The following MYO5B variants were observed in gnomAD, a reference collection of about 807,000 sequenced individuals.
MYO5B encodes the protein myosin VB.
In MYO5B, 143 loss-of-function variants were observed where a neutral mutation model predicts 229.3. The observed-to-expected ratio is 0.62, with a 90% confidence interval of 0.54 to 0.72. The LOEUF is 0.72. MYO5B is among the 30% of genes least tolerant of loss of function. The probability of loss-of-function intolerance (pLI) is 0.00; values close to 1 mark genes in which losing one functional copy is unlikely to be tolerated. For synonymous variants in MYO5B, 918 were observed against 885.2 expected, an observed-to-expected ratio of 1.04 and a Z score of -0.66; for missense variants, 2,321 against 2,331.0, an observed-to-expected ratio of 1.00 and a Z score of 0.09.
chr18:49,878,899 G>A (rs1365337376), intron 24 of MYO5B, 46 bp downstream of exon 24: 3 of 1,611,026 alleles, frequency 1.9e-6, no homozygotes, highest in Admixed American at 1.7e-5. Context: ...AAGCTGGACA[G>A]GAGCCAGGGA....
intron 1 of MYO5B, among the ~76,000 whole-genome samples, chr18:50,161,742 A>T (rs1323182597): frequency 6.6e-6 from 1 of 152,234 alleles, no homozygotes; most frequent in Non-Finnish European, 1.5e-5. Flanking sequence ...GGAAACATGG[A>T]CAAGAGTCCC....
At chr18:50,142,166 G>A (rs1290687958) in intron 1 of MYO5B, among the ~76,000 whole-genome samples, 1 of 152,190 alleles carries the variant, frequency 6.6e-6, no homozygotes, top group Non-Finnish European at 1.5e-5. Context: ...GCACACACAA[G>A]GTGTCTGCTT....
intron 4 of MYO5B, among the ~76,000 whole-genome samples, chr18:50,003,730 A>G (rs1312331119): frequency 6.6e-6 from 1 of 152,222 alleles, no homozygotes; most frequent in East Asian, 1.9e-4. Context: ...AAAAGTATAG[A>G]GTTATGTCCC....
chr18:49,950,803 A>G (rs1359714459), intron 14 of MYO5B, among the ~76,000 whole-genome samples: 1 of 152,158 alleles, frequency 6.6e-6, no homozygotes, highest in Non-Finnish European at 1.5e-5. Context: ...CCTGCAATCT[A>G]AAACAATATT....
intron 1 of MYO5B, among the ~76,000 whole-genome samples, chr18:50,122,582 G>A (rs2032078623): frequency 8.5e-6 from 1 of 117,878 alleles, no homozygotes; most frequent in East Asian, 2.9e-4. Context: ...GAGAGGGAGA[G>A]AGGAAGAGAG....
chr18:50,079,535 T>TC (rs2031165422), intron 1 of MYO5B, among the ~76,000 whole-genome samples: 1 of 152,166 alleles, frequency 6.6e-6, no homozygotes, highest in Non-Finnish European at 1.5e-5. Flanking sequence ...GCAGAGCCCT[T>TC]CCCTCAAACC....
intron 25 of MYO5B, 133 bp downstream of exon 25, chr18:49,877,630 C>T (rs2024541349): frequency 8.4e-7 from 1 of 1,187,302 alleles, no homozygotes; most frequent in Non-Finnish European, 1.2e-6. Flanking sequence ...AGTGATCCTG[C>T]TCTTGAGAAT....
Position 49,902,544 on chromosome 18 carries a change from C to T in MYO5B, c.2811+50G>A, listed in dbSNP as rs114542649. 891 of 1,602,018 alleles carry T rather than the reference C, an allele frequency of 5.6e-4. 5 individuals are homozygous for T. The African/African-American group carries it at 0.01, about 19-fold the overall frequency. ...GGAAGCTGTGGGCTCTCTCAAAATGCTCCAGTACCCAAGCCCCCGACACCC... is the reference window on the plus strand; with the variant it reads ...GGAAGCTGTGGGCTCTCTCAAAATGTTCCAGTACCCAAGCCCCCGACACCC... On this transcript the variant is annotated intron_variant, in intron 21 of 39. Coordinates refer to ENST00000285039, the MANE Select transcript of MYO5B (RefSeq NM_001080467.3).
intron 1 of MYO5B, among the ~76,000 whole-genome samples, chr18:50,057,464 G>A (rs2030578064): frequency 1.3e-5 from 2 of 152,226 alleles, no homozygotes; most frequent in South Asian, 4.1e-4. Context: ...CGGAGGTGAT[G>A]TTGTGTAGAT....
intron 1 of MYO5B, among the ~76,000 whole-genome samples, chr18:50,140,614 C>G (rs534542639): frequency 6.6e-6 from 1 of 152,182 alleles, no homozygotes; most frequent in African/African-American, 2.4e-5. Flanking sequence ...CAAACAGCCT[C>G]CAAAGGAATG....
At chr18:49,972,363 G>A (rs2025700709) in intron 10 of MYO5B, among the ~76,000 whole-genome samples, 1 of 152,106 alleles carries the variant, frequency 6.6e-6, no homozygotes, top group Non-Finnish European at 1.5e-5. Flanking sequence ...GGCCTCCTAA[G>A]AACAGCAAAA....
chr18:49,991,483 A>G (rs1407815512), intron 6 of MYO5B, among the ~76,000 whole-genome samples: 1 of 152,162 alleles, frequency 6.6e-6, no homozygotes, highest in Non-Finnish European at 1.5e-5. Flanking sequence ...TGTGAGTTGC[A>G]CCAAGCCCAC....
At chr18:50,031,802 TCAAA>T (rs774095168) in intron 4 of MYO5B, among the ~76,000 whole-genome samples, 7 of 152,244 alleles carry the variant, frequency 4.6e-5, no homozygotes, top group Non-Finnish European at 7.3e-5. Flanking sequence ...TATGCATTTC[TCAAA>T]CAGTGTTGCA....
At chr18:50,177,202 T>G (rs2033010115) in intron 1 of MYO5B, among the ~76,000 whole-genome samples, 1 of 152,094 alleles carries the variant, frequency 6.6e-6, no homozygotes, top group Non-Finnish European at 1.5e-5. Context: ...AAAATAAGCT[T>G]CAGCAAAGGA....
intron 1 of MYO5B, among the ~76,000 whole-genome samples, chr18:50,108,071 G>A (rs898882205): frequency 2.6e-5 from 4 of 152,078 alleles, no homozygotes; most frequent in Non-Finnish European, 5.9e-5. Context: ...ACCATGCCTG[G>A]CTAATTTTTG....
In MYO5B at chr18:49,937,332, C is replaced by A. The variant is rs1598895723; in HGVS notation, c.1818G>T (p.Lys606Asn). 2.5e-6 allele frequency: 4 copies of A among 1,614,140 alleles called. No homozygotes were observed. The Admixed American group carries it at 6.7e-5, about 27-fold the overall frequency. Residue 606 changes from lysine to asparagine, a missense_variant, in exon 15 of 40, where the codon AAG (lysine) becomes AAT (asparagine). By Grantham distance (94) the Lys-to-Asn change is moderately conservative. Around this residue, in one of 2 missense-constraint regions of MYO5B, gnomAD observed 2,113 missense variants for 2,044.7 expected, o/e 1.03. Coordinates refer to ENST00000285039, the MANE Select transcript of MYO5B (RefSeq NM_001080467.3). Reference protein sequence around the residue: ...KDPVPATTPGKGSSSKISVRS... With the variant: ...KDPVPATTPGNGSSSKISVRS... ...GGACGCTGATCTTCGAAGATGACCC[C>A]TTCCCAGGGGTGGTGGCAGGAACAG... is the stretch of plus-strand genomic sequence containing the variant.
At chr18:50,085,894 A>G (rs1323474250) in intron 1 of MYO5B, among the ~76,000 whole-genome samples, 2 of 151,824 alleles carry the variant, frequency 1.3e-5, no homozygotes, top group African/African-American at 4.8e-5. Context: ...GAAGGGGAAC[A>G]TCACACTCTG....
intron 1 of MYO5B, among the ~76,000 whole-genome samples, chr18:50,115,271 A>G (rs750939499): frequency 1.3e-5 from 2 of 152,146 alleles, no homozygotes. Flanking sequence ...ACACACCACA[A>G]GGTCCTCTCC....
intron 20 of MYO5B, among the ~76,000 whole-genome samples, chr18:49,903,271 G>GTT (rs946635428): frequency 6.8e-6 from 1 of 147,080 alleles, no homozygotes; most frequent in Non-Finnish European, 1.5e-5. Context: ...GTAATTCACT[G>GTT]TTTTTTTTTT....
Sources: gnomAD v4.1 joint callset for allele counts (sites outside exome capture counted in the v4.1 genomes callset) on GRCh38, gnomAD v4.1.1 for gene constraint, gnomAD v4.1.1 regional missense constraint, MANE v1.5 for transcripts, NCBI Gene and HGNC (gene_info 2026-07-23, HGNC 2026-07-21) for gene names.